Variants in ROR2 observed in about 807,000 individuals in gnomAD.
The protein encoded by ROR2 is ROR family WNT receptor 2.
A neutral mutation model predicts 74.9 loss-of-function variants in ROR2; 33 were observed. The observed-to-expected ratio is 0.44, with a 90% confidence interval of 0.33 to 0.59. The LOEUF (loss-of-function observed/expected upper bound fraction) is 0.59, where lower values mean the gene tolerates loss of function less well. Ranked by LOEUF, ROR2 falls within the 20% of genes least tolerant of loss-of-function variation. The pLI, the probability that ROR2 is intolerant of heterozygous loss-of-function variation, is 0.02. For synonymous variants in ROR2, 586 were observed against 558.7 expected, an observed-to-expected ratio of 1.05 and a Z score of -0.69; for missense variants, 1,216 against 1,313.8, an observed-to-expected ratio of 0.93 and a Z score of 1.15.
intron 1 of ROR2, among the ~76,000 whole-genome samples, chr9:91,829,571 A>AAAAAAAAAAAAAAC (rs1563986845): frequency 6.6e-6 from 1 of 151,214 alleles, no homozygotes; most frequent in African/African-American, 2.4e-5. Context: ...AAAAAAAAAA[A>AAAAAAAAAAAAAAC]AAGCACACAT....
At chr9:91,735,240 T>C (rs1824980339) in intron 5 of ROR2, among the ~76,000 whole-genome samples, 1 of 152,256 alleles carries the variant, frequency 6.6e-6, no homozygotes, top group Non-Finnish European at 1.5e-5. Context: ...GTCCACACCC[T>C]GAATGTCACA....
chr9:91,835,456 A>G (rs1228861685), intron 1 of ROR2, among the ~76,000 whole-genome samples: 1 of 152,138 alleles, frequency 6.6e-6, no homozygotes, highest in East Asian at 1.9e-4. Flanking sequence ...AGAAGGAGCA[A>G]AAACAGCCTG....
At chr9:91,904,873 G>A (rs1830771231) in intron 1 of ROR2, among the ~76,000 whole-genome samples, 1 of 151,956 alleles carries the variant, frequency 6.6e-6, no homozygotes, top group Admixed American at 6.6e-5. Context: ...TTACTACCTG[G>A]GACGGCTCCA....
intron 1 of ROR2, among the ~76,000 whole-genome samples, chr9:91,802,085 T>C (rs940775036): frequency 3.8e-4 from 56 of 146,118 alleles, no homozygotes; most frequent in Admixed American, 3.0e-3. Flanking sequence ...TTTTTTTTTT[T>C]TTTTTGGAGA....
At position 91,949,988 on chromosome 9, in the gene ROR2, GC is replaced by G; in HGVS notation, c.-26del. 7.6e-7 allele frequency: 1 copy of G among 1,322,338 alleles called. No individual in the cohort carries two copies. The highest frequency in any genetic ancestry group is 9.8e-7 in the Non-Finnish European group (1 of 1,019,860). The allele number at this position is 1,322,338 out of a possible 1,614,324, so 81.9% of individuals were successfully genotyped here. Reference sequence around the variant, plus strand: ...TGCCGCAGGCAGTGGGGGCCGGGAAGCCCTCAGAGCTTCGGGCCGGGGCGCG... The same window carrying G: ...TGCCGCAGGCAGTGGGGGCCGGGAAGCCTCAGAGCTTCGGGCCGGGGCGCG... On this transcript the variant is annotated 5_prime_UTR_variant, in exon 1 of 9. Transcript: ENST00000375708.
At chr9:91,897,085 T>C (rs1399808988) in intron 1 of ROR2, among the ~76,000 whole-genome samples, 1 of 152,234 alleles carries the variant, frequency 6.6e-6, no homozygotes. Flanking sequence ...GATGCACACG[T>C]AGACCCCGTA....
chr9:91,846,878 C>T (rs1828950180), intron 1 of ROR2, among the ~76,000 whole-genome samples: 1 of 152,174 alleles, frequency 6.6e-6, no homozygotes, highest in Non-Finnish European at 1.5e-5. Context: ...ATATCAATGA[C>T]TTCAGGAACA....
chr9:91,869,188 C>T (rs975981826), intron 1 of ROR2, among the ~76,000 whole-genome samples: 3 of 152,110 alleles, frequency 2.0e-5, no homozygotes, highest in Non-Finnish European at 4.4e-5. Flanking sequence ...CTCCTGAGCA[C>T]CTGGGACTGC....
At chr9:91,884,102 T>C (rs1734897696) in intron 1 of ROR2, among the ~76,000 whole-genome samples, 1 of 152,222 alleles carries the variant, frequency 6.6e-6, no homozygotes, top group African/African-American at 2.4e-5. Context: ...TCTGTACTTC[T>C]GAAGTCAAGG....
At chr9:91,786,126 GC>G (rs2118982927) in intron 1 of ROR2, among the ~76,000 whole-genome samples, 1 of 135,886 alleles carries the variant, frequency 7.4e-6, no homozygotes, top group African/African-American at 2.7e-5. Flanking sequence ...TTCAAGACTA[GC>G]CTGGGTAACA....
chr9:91,792,581 T>C (rs1047720388), intron 1 of ROR2, among the ~76,000 whole-genome samples: 1 of 152,186 alleles, frequency 6.6e-6, no homozygotes, highest in Non-Finnish European at 1.5e-5. Flanking sequence ...GTGCTGGGAT[T>C]ACAGGCATGA....
At chr9:91,939,634 T>A (rs185098045) in intron 1 of ROR2, among the ~76,000 whole-genome samples, 3 of 152,194 alleles carry the variant, frequency 2.0e-5, no homozygotes, top group African/African-American at 4.8e-5. Flanking sequence ...CATCTCTCCA[T>A]CCCACAGTGG....
At chr9:91,767,985 G>A (rs1271760682) in intron 2 of ROR2, among the ~76,000 whole-genome samples, 1 of 152,170 alleles carries the variant, frequency 6.6e-6, no homozygotes, top group African/African-American at 2.4e-5. Context: ...ATTAGAGAGG[G>A]CCCTAATCCA....
At chr9:91,894,530 A>G (rs1178040993) in intron 1 of ROR2, among the ~76,000 whole-genome samples, 5 of 152,266 alleles carry the variant, frequency 3.3e-5, no homozygotes, top group Non-Finnish European at 7.3e-5. Context: ...CATTCGAGGT[A>G]TAAGAAACTG....
intron 1 of ROR2, among the ~76,000 whole-genome samples, chr9:91,839,198 C>A (rs1828702196): frequency 6.6e-6 from 1 of 151,690 alleles, no homozygotes; most frequent in Admixed American, 6.6e-5. Flanking sequence ...TTCGTGTTTA[C>A]CAAAACACCT....
At position 91,728,076 on chromosome 9, in the gene ROR2, C is replaced by A. The variant is rs1235681481; in HGVS notation, c.1184-1333G>T. On this transcript the variant is annotated intron_variant, in intron 7 of 8. Transcript: ENST00000375708. ...GTTCATTTTTCATTATTAAGGTTAG[C>A]AGGAGAGTCCAGGCCACTCTCACGC... is the stretch of plus-strand genomic sequence containing the variant. 2.0e-5 allele frequency among the ~76,000 whole-genome samples: 3 copies of A among 152,146 alleles called. No individual in the cohort carries two copies. In the East Asian group the frequency reaches 5.8e-4, roughly 29 times the overall value.
intron 1 of ROR2, among the ~76,000 whole-genome samples, chr9:91,827,206 C>G (rs981747728): frequency 1.3e-5 from 2 of 152,114 alleles, no homozygotes; most frequent in Non-Finnish European, 2.9e-5. Context: ...TCTATGTAGT[C>G]AAGTATCTCC....
At chr9:91,763,959 C>A (rs1279951294) in intron 2 of ROR2, among the ~76,000 whole-genome samples, 1 of 152,152 alleles carries the variant, frequency 6.6e-6, no homozygotes. Context: ...TGTGCTTATT[C>A]TACATTCATG....
chr9:91,754,538 T>A (rs1264504066), intron 4 of ROR2, among the ~76,000 whole-genome samples: 7 of 151,972 alleles, frequency 4.6e-5, no homozygotes, highest in Admixed American at 2.6e-4. Context: ...GCATCTGTAA[T>A]TTCAGCTACT....
Sources: gnomAD v4.1 joint callset for allele counts (sites outside exome capture counted in the v4.1 genomes callset) on GRCh38, gnomAD v4.1.1 for gene constraint, MANE v1.5 for transcripts, NCBI Gene and HGNC (gene_info 2026-07-23, HGNC 2026-07-21) for gene names.